CCDC30: variants seen among roughly 807,000 people sequenced by gnomAD.
The protein encoded by CCDC30 is coiled-coil domain-containing protein 30.
Under a neutral mutation model 100.2 loss-of-function variants are expected in CCDC30, and 70 were observed. The ratio of observed to expected loss-of-function variants is 0.70; its 90% CI spans 0.58 to 0.85. The LOEUF (loss-of-function observed/expected upper bound fraction) is 0.85. Ranked by LOEUF, CCDC30 falls within the 40% of genes least tolerant of loss-of-function variation. The probability of loss-of-function intolerance (pLI) is 0.00; values close to 1 mark genes in which losing one functional copy is unlikely to be tolerated. For missense variants in CCDC30, 652 were observed against 771.2 expected (o/e 0.85, Z 1.83); for synonymous variants, 233 against 269.5 (o/e 0.86, Z 1.33).
intron 6 of CCDC30, among the ~76,000 whole-genome samples, chr1:42,560,607 G>T (rs1645467450): frequency 6.6e-6 from 1 of 152,072 alleles, no homozygotes; most frequent in Non-Finnish European, 1.5e-5. Context: ...CTGACCTCAT[G>T]ATCCTCCCAC....
chr1:42,493,486 G>C (rs2148469675), intron 4 of CCDC30, among the ~76,000 whole-genome samples: 2 of 152,264 alleles, frequency 1.3e-5, no homozygotes, highest in Admixed American at 1.3e-4. Context: ...TAACTCGGGA[G>C]GCTGAGGCAG....
At chr1:42,462,052 A>C (rs16829555), upstream of CCDC30, among the ~76,000 whole-genome samples, 6,198 of 152,280 alleles carry the variant, frequency 0.041, 423 homozygotes, top group African/African-American at 0.14. Flanking sequence ...AGTGATCTTA[A>C]TGTTTGTCTT....
chr1:42,496,077 G>C (rs1569809380), intron 4 of CCDC30, among the ~76,000 whole-genome samples: 1 of 152,066 alleles, frequency 6.6e-6, no homozygotes, highest in Non-Finnish European at 1.5e-5. Flanking sequence ...GCAAGTTGTA[G>C]AGTAAGATGT....
At chr1:42,502,690 T>A (rs1369075664) in intron 6 of CCDC30, among the ~76,000 whole-genome samples, 1 of 152,134 alleles carries the variant, frequency 6.6e-6, no homozygotes, top group Non-Finnish European at 1.5e-5. Flanking sequence ...TTTCTTATTT[T>A]TCTACCTGCC....
At chr1:42,545,186 A>AAAAAAAAAAAAAAAAAAAAAAT (rs760685126) in intron 6 of CCDC30, among the ~76,000 whole-genome samples, 1 of 126,046 alleles carries the variant, frequency 7.9e-6, no homozygotes, top group Non-Finnish European at 1.7e-5. Flanking sequence ...AAAAAAAAAA[A>AAAAAAAAAAAAAAAAAAAAAAT]AAGGGAATTT....
chr1:42,595,877 C>T (rs1646277824), intron 10 of CCDC30, among the ~76,000 whole-genome samples: 1 of 152,156 alleles, frequency 6.6e-6, no homozygotes, highest in Non-Finnish European at 1.5e-5. Flanking sequence ...ATGACATGTA[C>T]AGAAAGCACT....
upstream of CCDC30, chr1:42,459,836 G>A: frequency 6.2e-7 from 1 of 1,614,158 alleles, no homozygotes; most frequent in Non-Finnish European, 8.5e-7. Context: ...TGCTATCAGA[G>A]GAAGAAATAG....
At chr1:42,626,442 T>TTTCC (rs1164967460) in intron 11 of CCDC30, among the ~76,000 whole-genome samples, 1 of 152,222 alleles carries the variant, frequency 6.6e-6, no homozygotes, top group Non-Finnish European at 1.5e-5. Flanking sequence ...TCCTTCTTCC[T>TTTCC]TTCCTTCCTG....
upstream of CCDC30, chr1:42,459,544 A>G (rs188809359): frequency 5.4e-5 from 74 of 1,377,896 alleles, no homozygotes; most frequent in East Asian, 1.5e-3. Flanking sequence ...TTCCCATGAG[A>G]TTGACCTGGT....
chr1:42,588,092 T>A (rs1646113072), intron 9 of CCDC30, among the ~76,000 whole-genome samples: 1 of 152,222 alleles, frequency 6.6e-6, no homozygotes, highest in South Asian at 2.1e-4. Flanking sequence ...ATGAGGCATC[T>A]CATTTTCTGT....
chr1:42,460,714 C>G (rs1643387816), upstream of CCDC30, among the ~76,000 whole-genome samples: 1 of 152,194 alleles, frequency 6.6e-6, no homozygotes, highest in Admixed American at 6.5e-5. Flanking sequence ...GCTGTGCCAC[C>G]TATTAGCTTT....
At chr1:42,629,695 G>A (rs375538158) in intron 11 of CCDC30, among the ~76,000 whole-genome samples, 30 of 150,728 alleles carry the variant, frequency 2.0e-4, no homozygotes, top group African/African-American at 6.3e-4. Context: ...GCAGTGGCAC[G>A]ATCTCGGCTC....
chr1:42,556,846 A>G (rs1457476385), intron 6 of CCDC30, among the ~76,000 whole-genome samples: 1 of 152,166 alleles, frequency 6.6e-6, no homozygotes, highest in Non-Finnish European at 1.5e-5. Context: ...GCCAGACAGG[A>G]TTTGGGGATG....
At chr1:42,474,072 ACT>A (rs956019320) in intron 1 of CCDC30, among the ~76,000 whole-genome samples, 6 of 152,022 alleles carry the variant, frequency 3.9e-5, no homozygotes, top group Non-Finnish European at 7.4e-5. Context: ...CCTGGGAATC[ACT>A]CTGCTATGTT....
intron 4 of CCDC30, chr1:42,491,924 C>G (rs1644149728): frequency 1.5e-6 from 1 of 672,540 alleles, no homozygotes; most frequent in Admixed American, 2.7e-5. Context: ...CTGATAGCCT[C>G]AAGCGTCGTG....
chr1:42,541,494 C>T (rs113122660), intron 6 of CCDC30, among the ~76,000 whole-genome samples: 56 of 152,254 alleles, frequency 3.7e-4, no homozygotes, highest in South Asian at 8.3e-4. Context: ...TTCAGATTAC[C>T]CACACTACAG....
At chr1:42,510,086 T>C (rs1644453640) in intron 6 of CCDC30, 4 of 985,384 alleles carry the variant, frequency 4.1e-6, no homozygotes, top group Non-Finnish European at 4.8e-6. Context: ...GAGCTGACAA[T>C]GTAGATGGTG....
At chr1:42,491,841 G>A in intron 4 of CCDC30, 1 of 348,070 alleles carries the variant, frequency 2.9e-6, no homozygotes, top group Non-Finnish European at 5.6e-6. Flanking sequence ...TGATGTAAAA[G>A]CACTTGCTAT....
chr1:42,536,765 T>G (rs1180845563), intron 6 of CCDC30, 164 bp downstream of exon 7: 5 of 562,624 alleles, frequency 8.9e-6, no homozygotes, highest in Non-Finnish European at 1.6e-5. Flanking sequence ...TTTCTCACAG[T>G]TATGGAGGAG....
Sources: gnomAD v4.1 joint callset for allele counts (sites outside exome capture counted in the v4.1 genomes callset) on GRCh38, gnomAD v4.1.1 for gene constraint, MANE v1.5 for transcripts, NCBI Gene and HGNC (gene_info 2026-07-23, HGNC 2026-07-21) for gene names.